MEPE: variants seen among roughly 807,000 people sequenced by gnomAD.
MEPE encodes matrix, extracellular phosphoglycoprotein with ASARM motif (bone).
A neutral mutation model predicts 7.3 loss-of-function variants in MEPE; 7 were observed. The ratio of observed to expected loss-of-function variants is 0.95; its 90% CI spans 0.54 to 1.79. The LOEUF is 1.79. Among genes scored for constraint, MEPE ranks in the 40% most tolerant of loss-of-function variants. The pLI is 0.00. For missense variants in MEPE, 623 were observed against 628.2 expected (o/e 0.99, Z 0.09); for synonymous variants, 214 against 213.1 (o/e 1.00, Z -0.04).
At chr4:87,838,417 TC>T (rs1722881949) in intron 2 of MEPE, among the ~76,000 whole-genome samples, 2 of 152,278 alleles carry the variant, frequency 1.3e-5, no homozygotes, top group South Asian at 4.1e-4. Flanking sequence ...CGGCACTGTC[TC>T]CCTCTGGGGG....
At chr4:87,830,217 C>T (rs1578052891), upstream of MEPE, among the ~76,000 whole-genome samples, 3 of 152,114 alleles carry the variant, frequency 2.0e-5, no homozygotes, top group African/African-American at 7.2e-5. Context: ...ATCCAGTAAT[C>T]CCATTACTGG....
At chr4:87,844,217 C>T (rs1356312358) in intron 3 of MEPE, among the ~76,000 whole-genome samples, 2 of 152,082 alleles carry the variant, frequency 1.3e-5, no homozygotes, top group Non-Finnish European at 2.9e-5. Context: ...AGAGAAATAG[C>T]GAGTGGCATA....
chr4:87,846,075 G>A lies in MEPE; in HGVS notation c.1207G>A (p.Gly403Ser). ...CAACTATAATGAAATTCCTAAAAAT[G>A]GCAAAGGCAGTACCAGAAAGGGTGT... ...STNYNEIPKN[G>S]KGSTRKGVDH... is the part of the protein sequence containing the mutation. Residue 403 changes from glycine (G) to serine (S), a missense_variant, in exon 4 of 4, where the codon GGC (glycine) becomes AGC (serine). By Grantham distance (56) the Gly-to-Ser change is moderately conservative (BLOSUM62 0). Transcript: ENST00000361056. 3 of 1,613,962 alleles carry A rather than the reference G, an allele frequency of 1.9e-6. No homozygotes were observed. Among genetic ancestry groups the A allele is most frequent in the Non-Finnish European group, 2.5e-6 (3 of 1,179,934 alleles).
chr4:87,840,011 G>A (rs894596200), intron 3 of MEPE: 4 of 1,535,446 alleles, frequency 2.6e-6, no homozygotes, highest in Non-Finnish European at 3.5e-6. Context: ...ATCTCGCTCT[G>A]CTTCAGGACC....
At chr4:87,822,157 G>C (rs1202937314) in intron 1 of MEPE, among the ~76,000 whole-genome samples, 1 of 152,148 alleles carries the variant, frequency 6.6e-6, no homozygotes, top group African/African-American at 2.4e-5. Flanking sequence ...GGTTGAAATG[G>C]ATTTCCTTCT....
At chr4:87,827,702 C>T (rs1289693669) in intron 1 of MEPE, among the ~76,000 whole-genome samples, 4 of 152,166 alleles carry the variant, frequency 2.6e-5, no homozygotes, top group Non-Finnish European at 5.9e-5. Context: ...CTCTGAGTTA[C>T]ATTTTAAGGT....
chr4:87,842,301 T>C (rs916822489), intron 3 of MEPE, among the ~76,000 whole-genome samples: 3 of 152,204 alleles, frequency 2.0e-5, no homozygotes, highest in African/African-American at 7.2e-5. Flanking sequence ...CCCTACACAC[T>C]TGACCAAATA....
rs760252046 is a variant in MEPE, at chr4:87,838,631, G to A, written c.55-1G>A. On this transcript the variant is annotated splice_acceptor_variant, in intron 2 of 3. Transcript: ENST00000361056. LOFTEE classifies it high-confidence loss of function. Reference sequence around the variant, plus strand: ...AAGTTTTGTTTCTTGTTTCCTTTCAGACATTTCAACCACAGACTGAGAAAA... The same window carrying A: ...AAGTTTTGTTTCTTGTTTCCTTTCAAACATTTCAACCACAGACTGAGAAAA... 85 of 1,613,136 alleles carry A rather than the reference G, an allele frequency of 5.3e-5. No individual in the cohort carries two copies. The highest frequency in any genetic ancestry group is 6.9e-5 in the Non-Finnish European group (81 of 1,179,440).
At chr4:87,823,756 T>A (rs937913177) in intron 1 of MEPE, among the ~76,000 whole-genome samples, 4 of 152,134 alleles carry the variant, frequency 2.6e-5, no homozygotes, top group African/African-American at 9.7e-5. Flanking sequence ...GCATACACAC[T>A]TTTTTCCTTT....
At chr4:87,840,061 A>C in intron 3 of MEPE, 1 of 1,534,140 alleles carries the variant, frequency 6.5e-7, no homozygotes, top group Non-Finnish European at 8.7e-7. Flanking sequence ...TCAGGTGCCC[A>C]TGGACTGCTG....
intron 1 of MEPE, among the ~76,000 whole-genome samples, chr4:87,826,842 T>G (rs1282549773): frequency 6.6e-6 from 1 of 152,158 alleles, no homozygotes; most frequent in Non-Finnish European, 1.5e-5. Flanking sequence ...ATGGGGCTGT[T>G]GGTTTTTGTT....
chr4:87,833,326 A>G (rs1251905683), intron 1 of MEPE, among the ~76,000 whole-genome samples: 2 of 152,122 alleles, frequency 1.3e-5, no homozygotes, highest in African/African-American at 4.8e-5. Context: ...AATCAGGAAA[A>G]TCTGATCTTA....
At chr4:87,828,848 G>A (rs376892846), upstream of MEPE, among the ~76,000 whole-genome samples, 2 of 152,130 alleles carry the variant, frequency 1.3e-5, no homozygotes, top group African/African-American at 2.4e-5. Flanking sequence ...AACCAGGAAC[G>A]AGGAACCAGA....
chr4:87,828,909 CTTTGT>C (rs911816337), upstream of MEPE, among the ~76,000 whole-genome samples: 2 of 152,152 alleles, frequency 1.3e-5, no homozygotes, highest in East Asian at 1.9e-4. Flanking sequence ...TCCCATTTTT[CTTTGT>C]TTTGTTTTGT....
At chr4:87,821,436 C>A (rs1412722070) in exon 1 of MEPE, 3 of 152,176 alleles carry the variant, frequency 2.0e-5, no homozygotes, top group African/African-American at 7.2e-5. Flanking sequence ...GGCCTGCCGG[C>A]AGCTATCCAC....
chr4:87,827,516 G>A lies in MEPE; in HGVS notation c.-13+6045G>A, dbSNP rs181598271. On this transcript the variant is annotated intron_variant, in intron 1 of 3. Transcript: ENST00000424957. ...AAAGTCCTCAAGTTCTGTATCCTGA[G>A]AAGAAGATTCTTGGTCTTGAAAAAC... Among the ~76,000 whole-genome samples, 243 of 152,248 alleles carry A rather than the reference G, an allele frequency of 1.6e-3. 2 individuals carry two copies. The highest frequency in any genetic ancestry group is 5.5e-3 in the African/African-American group (227 of 41,552).
At chr4:87,838,820 C>T in intron 3 of MEPE, 135 bp downstream of exon 3, 1 of 666,068 alleles carries the variant, frequency 1.5e-6, no homozygotes. Flanking sequence ...ATAATGTTGG[C>T]ACTTTCTAGT....
intron 3 of MEPE, among the ~76,000 whole-genome samples, chr4:87,839,426 T>C (rs1722924782): frequency 6.6e-6 from 1 of 152,074 alleles, no homozygotes; most frequent in African/African-American, 2.4e-5. Flanking sequence ...ATAAAATCGA[T>C]CCACCCTAGG....
At position 87,838,629 on chromosome 4, in the gene MEPE, CA is replaced by C; in HGVS notation, c.55-2del. Reference sequence around the variant, plus strand: ...TGAAGTTTTGTTTCTTGTTTCCTTTCAGACATTTCAACCACAGACTGAGAAA... The same window carrying C: ...TGAAGTTTTGTTTCTTGTTTCCTTTCGACATTTCAACCACAGACTGAGAAA... On this transcript the variant is annotated splice_acceptor_variant, in intron 2 of 3. Transcript: ENST00000361056. LOFTEE classifies it high-confidence loss of function. 1 of 1,613,004 alleles carries C rather than the reference CA, an allele frequency of 6.2e-7. No individual in the cohort carries two copies.
Sources: gnomAD v4.1 joint callset for allele counts (sites outside exome capture counted in the v4.1 genomes callset) on GRCh38, gnomAD v4.1.1 for gene constraint, MANE v1.5 for transcripts, NCBI Gene and HGNC (gene_info 2026-07-23, HGNC 2026-07-21) for gene names.